The following GRIA2 variants were observed in gnomAD, a reference collection of about 807,000 sequenced individuals.
GRIA2 encodes glutamate receptor 2.
In GRIA2, 14 loss-of-function variants were observed where a neutral mutation model predicts 97.3. The ratio of observed to expected loss-of-function variants is 0.14; its 90% CI spans 0.10 to 0.23. The LOEUF (loss-of-function observed/expected upper bound fraction) is 0.23, where lower values mean the gene tolerates loss of function less well. GRIA2 is among the 10% of genes least tolerant of loss of function. The probability of loss-of-function intolerance (pLI) is 1.00; values close to 1 mark genes in which losing one functional copy is unlikely to be tolerated. For missense variants in GRIA2, 558 were observed against 1,069.8 expected (o/e 0.52, Z 6.67); for synonymous variants, 412 against 387.8 (o/e 1.06, Z -0.73).
At chr4:157,265,000 C>T (rs1731705455) in intron 2 of GRIA2, among the ~76,000 whole-genome samples, 1 of 151,944 alleles carries the variant, frequency 6.6e-6, no homozygotes, top group Admixed American at 6.6e-5. Flanking sequence ...CCTGATCAGT[C>T]AGCAGTAAAT....
At chr4:157,292,355 A>G (rs1195345058) in intron 2 of GRIA2, among the ~76,000 whole-genome samples, 8 of 152,052 alleles carry the variant, frequency 5.3e-5, no homozygotes, top group African/African-American at 1.9e-4. Context: ...TGGAAACAAA[A>G]TAAGTTAGGT....
intron 12 of GRIA2, among the ~76,000 whole-genome samples, chr4:157,350,768 T>A (rs983737790): frequency 2.0e-5 from 3 of 152,088 alleles, no homozygotes; most frequent in African/African-American, 7.2e-5. Flanking sequence ...TTTTGGTAAC[T>A]GCATGGAATT....
At chr4:157,236,748 T>C (rs1730267410) in intron 2 of GRIA2, among the ~76,000 whole-genome samples, 1 of 152,166 alleles carries the variant, frequency 6.6e-6, no homozygotes, top group Non-Finnish European at 1.5e-5. Context: ...ACATTTACTA[T>C]GGTAAGACGT....
intron 4 of GRIA2, 72 bp from the exon 5 acceptor site, chr4:157,317,586 G>A (rs1734379742): frequency 1.6e-6 from 1 of 624,348 alleles, no homozygotes; most frequent in Non-Finnish European, 2.9e-6. Context: ...CCCTGAATCA[G>A]ATCATAATAC....
intron 2 of GRIA2, among the ~76,000 whole-genome samples, chr4:157,289,977 T>G (rs1385546117): frequency 6.6e-6 from 1 of 151,862 alleles, no homozygotes; most frequent in South Asian, 2.1e-4. Flanking sequence ...ACTGTCACTA[T>G]CTGTGTTAAC....
chr4:157,316,641 A>G (rs1314575985), intron 4 of GRIA2, among the ~76,000 whole-genome samples: 2 of 152,146 alleles, frequency 1.3e-5, no homozygotes, highest in Non-Finnish European at 2.9e-5. Flanking sequence ...AAAAAAACCT[A>G]AAAGGGCCAA....
chr4:157,302,436 T>C (rs1300289652), intron 2 of GRIA2, among the ~76,000 whole-genome samples: 1 of 152,184 alleles, frequency 6.6e-6, no homozygotes, highest in East Asian at 1.9e-4. Context: ...ATAAGCCATA[T>C]TACTTTTTAA....
chr4:157,256,226 A>AACATATATTACATATATATTTTATATATT (rs1554007393), intron 2 of GRIA2, among the ~76,000 whole-genome samples: 3 of 119,872 alleles, frequency 2.5e-5, no homozygotes, highest in Non-Finnish European at 5.1e-5. Context: ...TATAATATAT[A>AACATATATTACATATATATTTTATATATT]ATATATAATA....
At chr4:157,270,101 T>C (rs185535325) in intron 2 of GRIA2, among the ~76,000 whole-genome samples, 99 of 152,326 alleles carry the variant, frequency 6.5e-4, no homozygotes, top group African/African-American at 2.2e-3. Context: ...TCATAATTAA[T>C]TCAAATGATG....
Position 157,359,997 on chromosome 4 carries a change from G to C in GRIA2, c.2145G>C (p.Arg715=). The C allele has an allele frequency of 6.2e-7, 1 of 1,613,930 alleles. No individual in the cohort carries two copies. The highest frequency in any genetic ancestry group is 8.5e-7 in the Non-Finnish European group (1 of 1,179,902). ...CGGCCGAAGGGGTGGCTAGAGTGCGGAAGTCCAAAGGGAAATATGCCTACT... is the reference window on the plus strand; with the variant it reads ...CGGCCGAAGGGGTGGCTAGAGTGCGCAAGTCCAAAGGGAAATATGCCTACT... The part of the protein sequence containing the change: ...RTTAEGVARV[R]KSKGKYAYLL... Residue 715 remains arginine (R), a synonymous_variant, in exon 13 of 16, where the codon CGG becomes CGC. Coordinates refer to ENST00000264426, the MANE Select transcript of GRIA2 (RefSeq NM_001083619.3).
intron 2 of GRIA2, among the ~76,000 whole-genome samples, chr4:157,257,806 A>C: frequency 6.6e-6 from 1 of 152,062 alleles, no homozygotes; most frequent in East Asian, 1.9e-4. Flanking sequence ...AAAATGTTAG[A>C]GTTCCTGTTG....
At position 157,364,656 on chromosome 4, in the gene GRIA2, T is replaced by A. The variant is rs928415620; in HGVS notation, c.*1225T>A. ...AAGTAAAAAATGCCTTGAAAGTAAT[T>A]CTTTAGATAGTTGCCCATTGATTAA... On this transcript the variant is annotated 3_prime_UTR_variant, in exon 16 of 16. Coordinates refer to ENST00000264426, the MANE Select transcript of GRIA2 (RefSeq NM_001083619.3). 6 of 152,198 alleles carry A rather than the reference T, an allele frequency of 3.9e-5. No individual in the cohort carries two copies. The highest frequency in any genetic ancestry group is 8.8e-5 in the Non-Finnish European group (6 of 67,822). The allele number at this position is 152,198 out of a possible 1,614,324, so 9.4% of individuals were successfully genotyped here. A position where few individuals can be genotyped will look rare whatever the true frequency, so the allele number is the denominator to read the frequency against.
intron 11 of GRIA2, among the ~76,000 whole-genome samples, chr4:157,338,358 G>A (rs1488293485): frequency 6.6e-6 from 1 of 151,880 alleles, no homozygotes. Context: ...GAAGTAGGAT[G>A]TGTCAGCCCA....
At chr4:157,236,302 T>A (rs1032452556) in intron 2 of GRIA2, among the ~76,000 whole-genome samples, 1 of 152,082 alleles carries the variant, frequency 6.6e-6, no homozygotes, top group Non-Finnish European at 1.5e-5. Context: ...AAATATTGTC[T>A]TCTTTCACCT....
intron 2 of GRIA2, among the ~76,000 whole-genome samples, chr4:157,244,112 G>A (rs1730626716): frequency 6.6e-6 from 1 of 151,950 alleles, no homozygotes; most frequent in Non-Finnish European, 1.5e-5. Flanking sequence ...CTGGACATAT[G>A]AAGAGTTGGG....
chr4:157,327,294 A>T (rs1734846115), intron 6 of GRIA2, among the ~76,000 whole-genome samples: 1 of 152,122 alleles, frequency 6.6e-6, no homozygotes, highest in Non-Finnish European at 1.5e-5. Flanking sequence ...TAAAGGAAAA[A>T]ATATAACATT....
intron 2 of GRIA2, among the ~76,000 whole-genome samples, chr4:157,242,468 G>A (rs1204946702): frequency 6.6e-6 from 1 of 152,016 alleles, no homozygotes; most frequent in Non-Finnish European, 1.5e-5. Flanking sequence ...AGAAAGTACA[G>A]TTCACCAAGT....
intron 2 of GRIA2, among the ~76,000 whole-genome samples, chr4:157,235,433 G>A (rs1176384279): frequency 3.3e-5 from 5 of 151,554 alleles, no homozygotes; most frequent in Non-Finnish European, 7.4e-5. Context: ...CATTAGTCTC[G>A]GTAATAGACA....
chr4:157,356,103 ATATT>A (rs1190787743), intron 12 of GRIA2, among the ~76,000 whole-genome samples: 1 of 118,078 alleles, frequency 8.5e-6, no homozygotes, highest in African/African-American at 3.3e-5. Flanking sequence ...TTATATATTT[ATATT>A]TATTTATTTA....
Sources: gnomAD v4.1 joint callset for allele counts (sites outside exome capture counted in the v4.1 genomes callset) on GRCh38, gnomAD v4.1.1 for gene constraint, MANE v1.5 for transcripts, NCBI Gene and HGNC (gene_info 2026-07-23, HGNC 2026-07-21) for gene names.